The following MYO1F variants were observed in gnomAD, a reference collection of about 807,000 sequenced individuals.
The protein encoded by MYO1F is myosin IF, also known as unconventional myosin-If.
MYO1F carries 60 observed loss-of-function variants against 146.6 expected under a neutral mutation model. The ratio of observed to expected loss-of-function variants is 0.41; its 90% CI spans 0.33 to 0.51. The LOEUF is 0.51. MYO1F is among the 20% of genes least tolerant of loss of function. The probability of loss-of-function intolerance (pLI) is 0.25; values close to 1 mark genes in which losing one functional copy is unlikely to be tolerated. For missense variants in MYO1F, 1,274 were observed against 1,534.3 expected (o/e 0.83, Z 2.83); for synonymous variants, 602 against 602.1 (o/e 1.00, Z 0.00).
chr19:8,536,296 A>G lies in MYO1F; in HGVS notation c.1999T>C (p.Tyr667His), dbSNP rs1972707963. 1 of 1,607,736 alleles carries G rather than the reference A, an allele frequency of 6.2e-7. No individual in the cohort carries two copies. The highest frequency in any genetic ancestry group is 2.2e-5 in the East Asian group (1 of 44,778). ...AAGACCTTGGTGCTCCCCATCTGGTACTGGTCGGGCTCCATGTTGACCGCC... is the reference window on the plus strand; with the variant it reads ...AAGACCTTGGTGCTCCCCATCTGGTGCTGGTCGGGCTCCATGTTGACCGCC... The part of the protein sequence containing the change: ...LRAVNMEPDQ[Y>H]QMGSTKVFVK... Residue 667 changes from tyrosine (Y) to histidine (H), a missense_variant, in exon 19 of 28, where the codon TAC becomes CAC. Tyr to His is a moderately conservative substitution (Grantham distance 83). This residue lies in a region of MYO1F where 900 missense variants were observed against 1,155.1 expected (regional missense o/e 0.78). Coordinates refer to ENST00000644032, the MANE Select transcript of MYO1F (RefSeq NM_012335.4).
At chr19:8,573,885 T>C (rs1411639055) in intron 1 of MYO1F, among the ~76,000 whole-genome samples, 1 of 151,638 alleles carries the variant, frequency 6.6e-6, no homozygotes, top group Non-Finnish European at 1.5e-5. Context: ...ATACTAGCCA[T>C]CAACAACCAC....
At position 8,548,248 on chromosome 19, in the gene MYO1F, C is replaced by T. The variant is rs772854958; in HGVS notation, c.1171G>A (p.Glu391Lys). Residue 391 changes from glutamate to lysine, a missense_variant, in exon 11 of 28, where the codon GAG (glutamate) becomes AAG (lysine). By Grantham distance (56) the Glu-to-Lys change is moderately conservative. Transcript: ENST00000644032. Reference sequence around the variant, plus strand: ...GCAGGGGGCCGTACCTGGAAGATCTCGAAGCCGTAAATGTCCAGCACACCG... The same window carrying T: ...GCAGGGGGCCGTACCTGGAAGATCTTGAAGCCGTAAATGTCCAGCACACCG... ...SIGVLDIYGFEIFQKNGFEQF... is the reference protein window; with the variant it reads ...SIGVLDIYGFKIFQKNGFEQF... 6 of 1,613,960 alleles carry T rather than the reference C, an allele frequency of 3.7e-6. No homozygotes were observed. The highest frequency in any genetic ancestry group is 1.3e-5 in the African/African-American group (1 of 74,956).
chr19:8,523,602 C>T (rs999658201), intron 25 of MYO1F, among the ~76,000 whole-genome samples: 18 of 151,784 alleles, frequency 1.2e-4, no homozygotes, highest in African/African-American at 3.4e-4. Context: ...CCTCCCACTT[C>T]GGCCTCCCAA....
At chr19:8,532,622 C>T (rs913738873) in intron 19 of MYO1F, among the ~76,000 whole-genome samples, 17 of 152,080 alleles carry the variant, frequency 1.1e-4, no homozygotes, top group African/African-American at 3.9e-4. Context: ...TGCGGTGGCT[C>T]ATGCCTCTAA....
rs1972267967 is a variant in MYO1F at position 8,526,425 on chromosome 19, CCTCTGCCCT to C, written c.2770+19_2770+27del. Reference sequence around the variant, plus strand: ...TTAACCAGCCTCGCTGGCCCCGCCCCCTCTGCCCTAGTTCCGCGCAGACTCACTGGAGCT... The same window carrying C: ...TTAACCAGCCTCGCTGGCCCCGCCCCAGTTCCGCGCAGACTCACTGGAGCT... On this transcript the variant is annotated intron_variant, in intron 24 of 27. Coordinates refer to ENST00000644032, the MANE Select transcript of MYO1F (RefSeq NM_012335.4). The C allele has an allele frequency of 6.5e-7, 1 of 1,549,782 alleles. No individual in the cohort carries two copies. Among genetic ancestry groups the C allele is most frequent in the Non-Finnish European group, 8.7e-7 (1 of 1,147,220 alleles).
rs554156014 is a variant in MYO1F, at chr19:8,556,180, C to G, written c.4-384G>C. On this transcript the variant is annotated intron_variant, in intron 1 of 27. Coordinates refer to ENST00000644032, the MANE Select transcript of MYO1F (RefSeq NM_012335.4). ...AGTAGCTGGGATTACAGGTGCCCACCACCATGCCCGGCTAATTTTTAATAT... is the reference window on the plus strand; with the variant it reads ...AGTAGCTGGGATTACAGGTGCCCACGACCATGCCCGGCTAATTTTTAATAT... Among the ~76,000 whole-genome samples, 44 of 151,620 alleles carry G rather than the reference C, an allele frequency of 2.9e-4. 1 individual carries two copies. The South Asian group carries it at 8.1e-3, about 28-fold the overall frequency.
At chr19:8,552,012 C>T in intron 7 of MYO1F, 21 bp downstream of exon 7, 1 of 1,613,844 alleles carries the variant, frequency 6.2e-7, no homozygotes, top group Non-Finnish European at 8.5e-7. Context: ...TGCTCCCTCT[C>T]CCCCGGCCCC....
Position 8,536,606 on chromosome 19 carries a change from G to A in MYO1F, c.1800-9C>T, listed in dbSNP as rs560090185. 6 of 1,561,818 alleles carry A rather than the reference G, an allele frequency of 3.8e-6. No homozygotes were observed. In the South Asian group the frequency reaches 6.7e-5, roughly 17 times the overall value. Reference sequence around the variant, plus strand: ...CCACCTGGTGCTTGACTCTGGTGGGGAGGGTAGGCTGAGTCCCCTCGGGGT... The same window carrying A: ...CCACCTGGTGCTTGACTCTGGTGGGAAGGGTAGGCTGAGTCCCCTCGGGGT... On this transcript the variant is annotated splice_polypyrimidine_tract_variant and intron_variant, in intron 17 of 27. Transcript: ENST00000644032.
rs147878935 is a variant in MYO1F, at chr19:8,522,269, G to A, written c.3220+108C>T. ...GATCTCCTGACCTCGTGATCTGCCC[G>A]CCTTGGCCTCCCAAAATGCTGGGAT... On this transcript the variant is annotated intron_variant, in intron 27 of 27. Coordinates refer to ENST00000644032, the MANE Select transcript of MYO1F (RefSeq NM_012335.4). 0.013 allele frequency: 18,492 copies of A among 1,402,564 alleles called. 215 individuals carry two copies. Among genetic ancestry groups the A allele is most frequent in the South Asian group, 0.033 (2,768 of 84,586 alleles). The allele number at this position is 1,402,564 out of a possible 1,614,324, so 86.9% of individuals were successfully genotyped here. A position where few individuals can be genotyped will look rare whatever the true frequency, so the allele number is the denominator to read the frequency against.
In MYO1F at chr19:8,559,578, C is replaced by T. The variant is rs371296455; in HGVS notation, c.4-3782G>A. ...GAGAGGATGAACTACTCTGGGGGAA[C>T]AAGGTGGGATGGGAGGCTGGTGCCC... On this transcript the variant is annotated intron_variant, in intron 1 of 27. Coordinates refer to ENST00000644032, the MANE Select transcript of MYO1F (RefSeq NM_012335.4). 8.5e-5 allele frequency among the ~76,000 whole-genome samples: 13 copies of T among 152,128 alleles called. No individual in the cohort carries two copies. In the South Asian group the frequency reaches 2.5e-3, roughly 29 times the overall value.
chr19:8,547,179 C>A (rs1035591020), intron 12 of MYO1F, among the ~76,000 whole-genome samples: 1 of 151,374 alleles, frequency 6.6e-6, no homozygotes, highest in Admixed American at 6.6e-5. Flanking sequence ...TGTGTGCCTG[C>A]GGTCCCAGCT....
rs2145891441 is a variant in MYO1F, at chr19:8,544,361, A to C, written c.1460T>G (p.Val487Gly). Residue 487 changes from valine (V) to glycine (G), a missense_variant, in exon 14 of 28, where the codon GTG (valine) becomes GGG (glycine). Coordinates refer to ENST00000644032, the MANE Select transcript of MYO1F (RefSeq NM_012335.4). ...GCTGTTGAAATGCTCGTGGGTCCCC[A>C]CAGCCGCCTGCAGCTTCTGCAGCAG... ...QTLLQKLQAAVGTHEHFNSWS... is the reference protein window; with the variant it reads ...QTLLQKLQAAGGTHEHFNSWS... 1 of 1,612,970 alleles carries C rather than the reference A, an allele frequency of 6.2e-7. No individual in the cohort carries two copies.
chr19:8,561,190 G>C (rs1237246417), intron 1 of MYO1F, among the ~76,000 whole-genome samples: 1 of 152,082 alleles, frequency 6.6e-6, no homozygotes, highest in Non-Finnish European at 1.5e-5. Context: ...GGCCTGAGAA[G>C]GGTTTTGATA....
chr19:8,549,016 T>C (rs1394076139), intron 10 of MYO1F, among the ~76,000 whole-genome samples: 5 of 151,526 alleles, frequency 3.3e-5, no homozygotes, highest in Non-Finnish European at 7.4e-5. Flanking sequence ...AGTGGCGCAA[T>C]CTCGGCTCAC....
chr19:8,544,505 T>A, intron 13 of MYO1F, 41 bp from the exon 14 acceptor site: 1 of 1,516,334 alleles, frequency 6.6e-7, no homozygotes, highest in Non-Finnish European at 8.8e-7. Context: ...CAGTTTGGTC[T>A]GCCTTGCCTC....
At chr19:8,559,494 T>G (rs1253128268) in intron 1 of MYO1F, among the ~76,000 whole-genome samples, 1 of 152,056 alleles carries the variant, frequency 6.6e-6, no homozygotes, top group Non-Finnish European at 1.5e-5. Context: ...GATGCTGCTG[T>G]GAGTCTCCAT....
intron 27 of MYO1F, 130 bp downstream of exon 27, chr19:8,522,247 C>T: frequency 8.6e-7 from 1 of 1,156,554 alleles, no homozygotes; most frequent in Non-Finnish European, 1.3e-6. Context: ...TGGTCTCGAT[C>T]TCCTGACCTC....
intron 1 of MYO1F, among the ~76,000 whole-genome samples, chr19:8,567,869 G>A (rs961592595): frequency 2.0e-5 from 3 of 152,146 alleles, no homozygotes; most frequent in Non-Finnish European, 2.9e-5. Context: ...CCCCTTTGGG[G>A]GCCAGTGCAG....
chr19:8,555,376 CAAAAAAAAAA>C (rs886749061), intron 2 of MYO1F: 17 of 100,278 alleles, frequency 1.7e-4, no homozygotes, highest in African/African-American at 4.7e-4. Context: ...GACTCCGTCT[CAAAAAAAAAA>C]AAAAAAAAAA....
Sources: allele counts gnomAD v4.1 joint callset (sites outside exome capture counted in the v4.1 genomes callset), GRCh38; gene constraint gnomAD v4.1.1; regional missense constraint gnomAD v4.1.1; transcripts MANE v1.5; gene names NCBI Gene and HGNC (gene_info 2026-07-23, HGNC 2026-07-21).